Variants in FUT8 observed in about 807,000 individuals in gnomAD.
FUT8 encodes the protein fucosyltransferase 8.
FUT8 carries 29 observed loss-of-function variants against 71.3 expected under a neutral mutation model. That is an observed-to-expected ratio of 0.41 (90% CI 0.30 to 0.55). The LOEUF (loss-of-function observed/expected upper bound fraction) is 0.55, where lower values mean the gene tolerates loss of function less well. Ranked by LOEUF, FUT8 falls within the 20% of genes least tolerant of loss-of-function variation. The probability of loss-of-function intolerance (pLI) is 0.34; values close to 1 mark genes in which losing one functional copy is unlikely to be tolerated. For synonymous variants in FUT8, 254 were observed against 239.3 expected (o/e 1.06, Z -0.57); for missense variants, 544 against 702.1 (o/e 0.77, Z 2.55).
intron 2 of FUT8, among the ~76,000 whole-genome samples, chr14:65,544,971 C>A (rs1479169751): frequency 6.6e-6 from 1 of 151,658 alleles, no homozygotes; most frequent in Non-Finnish European, 1.5e-5. Flanking sequence ...CTCTTTTCAT[C>A]CTCTCCTCTT....
chr14:65,473,398 A>G (rs1446591229), intron 2 of FUT8, among the ~76,000 whole-genome samples: 1 of 152,112 alleles, frequency 6.6e-6, no homozygotes, highest in Non-Finnish European at 1.5e-5. Context: ...CTTTCACAGG[A>G]CTAATTAAGT....
intron 2 of FUT8, among the ~76,000 whole-genome samples, chr14:65,526,477 C>T (rs1225916160): frequency 6.6e-6 from 1 of 152,158 alleles, no homozygotes; most frequent in African/African-American, 2.4e-5. Context: ...AGACAGGTCT[C>T]CTGAATACAG....
At position 65,611,303 on chromosome 14, in the gene FUT8, C is replaced by CA. The variant is rs1566851612; in HGVS notation, c.204-4675_204-4674insA. Among the ~76,000 whole-genome samples, 36 of 42,564 alleles carry CA rather than the reference C, an allele frequency of 8.5e-4. 6 individuals carry two copies. The highest frequency in any genetic ancestry group is 4.0e-3 in the African/African-American group (34 of 8,540). The allele number at this position is 42,564 out of a possible 152,430, so 27.9% of individuals were successfully genotyped here. A position where few individuals can be genotyped will look rare whatever the true frequency, so the allele number is the denominator to read the frequency against. On this transcript the variant is annotated intron_variant, in intron 3 of 10. Coordinates refer to ENST00000673929, the MANE Select transcript of FUT8 (RefSeq NM_001371533.1). The stretch of plus-strand genomic sequence containing the variant: ...CACACACACACACACACACACACAC[C>CA]CCCCAAGTAATAGCCTTGATTTTGC...
chr14:65,411,582 A>C (rs1461418998), upstream of FUT8: 4 of 176,018 alleles, frequency 2.3e-5, no homozygotes, highest in Non-Finnish European at 4.9e-5. Context: ...CCTTTCTGTG[A>C]TCTTTTAATA....
intron 2 of FUT8, among the ~76,000 whole-genome samples, chr14:65,457,676 C>T (rs955623859): frequency 6.6e-6 from 1 of 152,104 alleles, no homozygotes; most frequent in Non-Finnish European, 1.5e-5. Context: ...GCAGGGGGTA[C>T]GTGACAGGGG....
At chr14:65,357,290 G>A in the FUT8 span, among the ~76,000 whole-genome samples, 3 of 152,228 alleles carry the variant, frequency 2.0e-5, no homozygotes, top group Non-Finnish European at 4.4e-5. Context: ...GAAGCCAGGT[G>A]TGGACCACAG....
intron 2 of FUT8, among the ~76,000 whole-genome samples, chr14:65,541,419 A>G (rs1378901684): frequency 6.6e-6 from 1 of 152,214 alleles, no homozygotes; most frequent in Non-Finnish European, 1.5e-5. Context: ...AGGGGAACCC[A>G]AGGTCTAAGT....
chr14:65,459,823 C>G (rs539355946), intron 2 of FUT8, among the ~76,000 whole-genome samples: 6 of 152,010 alleles, frequency 3.9e-5, no homozygotes, highest in South Asian at 2.1e-4. Context: ...ACTTGATTCA[C>G]TGTGAGAAAC....
At chr14:65,735,766 C>A (rs1260205793) in intron 10 of FUT8, among the ~76,000 whole-genome samples, 1 of 152,084 alleles carries the variant, frequency 6.6e-6, no homozygotes, top group Non-Finnish European at 1.5e-5. Flanking sequence ...ATTCCATATT[C>A]AGTGATAAAT....
At chr14:65,436,411 A>C (rs1431845454) in intron 1 of FUT8, among the ~76,000 whole-genome samples, 1 of 152,098 alleles carries the variant, frequency 6.6e-6, no homozygotes, top group African/African-American at 2.4e-5. Flanking sequence ...CAGGCAGATC[A>C]CGAGGTCAGG....
intron 2 of FUT8, among the ~76,000 whole-genome samples, chr14:65,543,984 C>T (rs1884841024): frequency 6.6e-6 from 1 of 152,084 alleles, no homozygotes; most frequent in African/African-American, 2.4e-5. Flanking sequence ...AGCTTTTTTG[C>T]TGTTGAGAAA....
the FUT8 span, among the ~76,000 whole-genome samples, chr14:65,375,965 C>G: frequency 6.6e-6 from 1 of 151,904 alleles, no homozygotes; most frequent in African/African-American, 2.4e-5. Context: ...GTGGCGCATG[C>G]CTGTAATCCC....
Position 65,602,316 on chromosome 14 carries a change from T to A in FUT8, c.204-13662T>A, listed in dbSNP as rs137995093. On this transcript the variant is annotated intron_variant, in intron 3 of 10. Coordinates refer to ENST00000673929, the MANE Select transcript of FUT8 (RefSeq NM_001371533.1). Reference sequence around the variant, plus strand: ...TGCAAATGCCATTAAATTCATTCATTTTCATGGCCGAGTAGCGTTCCATCT... The same window carrying A: ...TGCAAATGCCATTAAATTCATTCATATTCATGGCCGAGTAGCGTTCCATCT... Among the ~76,000 whole-genome samples, 316 of 133,636 alleles carry A rather than the reference T, an allele frequency of 2.4e-3. 6 individuals carry two copies. Among genetic ancestry groups the A allele is most frequent in the African/African-American group, 8.6e-3 (292 of 34,106 alleles). The allele number at this position is 133,636 out of a possible 152,430, so 87.7% of individuals were successfully genotyped here.
chr14:65,702,267 C>G (rs1894336785), intron 7 of FUT8, among the ~76,000 whole-genome samples: 1 of 151,804 alleles, frequency 6.6e-6, no homozygotes, highest in South Asian at 2.1e-4. Flanking sequence ...ATCGCTTGAA[C>G]CCGGGAGGCG....
chr14:65,370,131 A>T, the FUT8 span, among the ~76,000 whole-genome samples: 1 of 145,592 alleles, frequency 6.9e-6, no homozygotes, highest in East Asian at 2.0e-4. Context: ...TTCTCCCATT[A>T]AAAAAAAAAA....
chr14:65,478,776 C>CGT (rs1368036684), intron 2 of FUT8, among the ~76,000 whole-genome samples: 4 of 152,126 alleles, frequency 2.6e-5, no homozygotes, highest in Non-Finnish European at 5.9e-5. Context: ...CTTTGTCTTC[C>CGT]GTGTTCAGCC....
intron 2 of FUT8, among the ~76,000 whole-genome samples, chr14:65,537,571 T>C (rs1450799295): frequency 2.0e-5 from 3 of 152,088 alleles, no homozygotes; most frequent in South Asian, 4.2e-4. Context: ...GTATTTTTAG[T>C]AGAGACTGGG....
intron 10 of FUT8, among the ~76,000 whole-genome samples, chr14:65,736,788 C>A (rs1279837864): frequency 1.3e-5 from 2 of 152,000 alleles, no homozygotes; most frequent in African/African-American, 4.8e-5. Context: ...ACATGGATAA[C>A]CAACTCTCAA....
At chr14:65,555,987 G>A (rs1245701324) in intron 2 of FUT8, among the ~76,000 whole-genome samples, 1 of 152,204 alleles carries the variant, frequency 6.6e-6, no homozygotes, top group Non-Finnish European at 1.5e-5. Context: ...AAGGAAATGT[G>A]ATTAAGACTC....
Sources: gnomAD v4.1 joint callset for allele counts (sites outside exome capture counted in the v4.1 genomes callset) on GRCh38, gnomAD v4.1.1 for gene constraint, MANE v1.5 for transcripts, NCBI Gene and HGNC (gene_info 2026-07-23, HGNC 2026-07-21) for gene names.